MEGF6: variants seen among roughly 807,000 people sequenced by gnomAD.
MEGF6 encodes the protein multiple EGF like domains 6.
In MEGF6, 184 loss-of-function variants were observed where a neutral mutation model predicts 207.1. The ratio of observed to expected loss-of-function variants is 0.89; its 90% CI spans 0.79 to 1.00. The LOEUF (loss-of-function observed/expected upper bound fraction) is 1.00, where lower values mean the gene tolerates loss of function less well. Ranked by LOEUF, MEGF6 falls within the 50% of genes least tolerant of loss-of-function variation. MEGF6 has a pLI of 0.00. For synonymous variants in MEGF6, 1,038 were observed against 910.0 expected (o/e 1.14, Z -2.53); for missense variants, 2,282 against 2,202.9 (o/e 1.04, Z -0.72).
intron 5 of MEGF6, among the ~76,000 whole-genome samples, chr1:3,516,139 C>T (rs1474475184): frequency 6.6e-6 from 1 of 152,234 alleles, no homozygotes; most frequent in Non-Finnish European, 1.5e-5. Flanking sequence ...TGCCCCCATT[C>T]CTTCATGCAC....
At chr1:3,524,368 A>C in intron 4 of MEGF6, 122 bp from the exon 5 acceptor site, 1 of 1,277,700 alleles carries the variant, frequency 7.8e-7, no homozygotes. Context: ...GGCACCACCC[A>C]TGAGCCCCTC....
At chr1:3,501,398 C>G in intron 18 of MEGF6, 90 bp from the exon 19 acceptor site, 2 of 1,471,708 alleles carry the variant, frequency 1.4e-6, no homozygotes, top group Non-Finnish European at 9.1e-7. Context: ...GGAGCCACGG[C>G]CGAGGAGGTG....
chr1:3,555,425 T>C (rs1485219459), intron 4 of MEGF6, among the ~76,000 whole-genome samples: 1 of 152,176 alleles, frequency 6.6e-6, no homozygotes, highest in Non-Finnish European at 1.5e-5. Context: ...ACCACCCATG[T>C]CCAGACGAGA....
Position 3,494,386 on chromosome 1 carries a change from G to A in MEGF6, c.4114C>T (p.Gln1372Ter). 6.5e-7 allele frequency: 1 copy of A among 1,547,106 alleles called. No homozygotes were observed. The highest frequency in any genetic ancestry group is 8.7e-7 in the Non-Finnish European group (1 of 1,150,402). ...TCRCGPGFYG[Q>*]ACEHPCPPGF... is the part of the protein sequence containing the mutation. The stretch of plus-strand genomic sequence containing the variant: ...CCCAACTCACGGTGCTCGCAGGCCT[G>A]GCCATAGAAGCCGGGGCCGCAGCGG... The change falls in exon 32 of 37, where the codon CAG becomes TAG. Residue 1372 changes from glutamine to a stop codon, truncating the protein, a stop_gained. Transcript: ENST00000356575. LOFTEE classifies it high-confidence loss of function.
chr1:3,514,543 G>T lies in MEGF6; in HGVS notation c.853+7C>A. 1.9e-6 allele frequency: 3 copies of T among 1,588,634 alleles called. No homozygotes were observed. Among genetic ancestry groups the T allele is most frequent in the Non-Finnish European group, 1.7e-6 (2 of 1,171,208 alleles). On this transcript the variant is annotated splice_region_variant and intron_variant, in intron 7 of 36. Transcript: ENST00000356575. ...GGGCGGGGCGGAGCAGGGGAGGGGC[G>T]TCCTACCTTCACAGGCCTTGCCGTC...
rs551273948 is a variant in MEGF6, at chr1:3,596,284, G to C, written c.267-837C>G. Among the ~76,000 whole-genome samples the C allele has an allele frequency of 1.7e-3, 259 of 152,124 alleles. 2 individuals carry two copies. Among genetic ancestry groups the C allele is most frequent in the Non-Finnish European group, 3.3e-3 (223 of 67,958 alleles). On this transcript the variant is annotated intron_variant, in intron 2 of 36. Transcript: ENST00000356575. ...CCAGGAGACGGCAGTGTCCTGCTGG[G>C]AATGGGCAGCCCGATCTGGCCAGCC...
chr1:3,531,634 TC>T (rs900241298), intron 4 of MEGF6, among the ~76,000 whole-genome samples: 2 of 151,116 alleles, frequency 1.3e-5, no homozygotes, highest in Non-Finnish European at 2.9e-5. Flanking sequence ...AACGCAGACA[TC>T]CACATGTGAC....
chr1:3,520,305 G>A (rs562730858), intron 5 of MEGF6, among the ~76,000 whole-genome samples: 1 of 152,334 alleles, frequency 6.6e-6, no homozygotes, highest in South Asian at 2.1e-4. Flanking sequence ...ACACAGAGGC[G>A]GAGGCCTCCA....
chr1:3,496,890 C>A, intron 28 of MEGF6, 98 bp downstream of exon 28: 2 of 1,505,666 alleles, frequency 1.3e-6, no homozygotes, highest in Non-Finnish European at 1.8e-6. Context: ...CCATCTTCCA[C>A]CCCCTCAGAT....
intron 17 of MEGF6, among the ~76,000 whole-genome samples, chr1:3,504,071 G>T (rs572605779): frequency 6.6e-6 from 1 of 152,112 alleles, no homozygotes; most frequent in Non-Finnish European, 1.5e-5. Context: ...GCCCATGCTG[G>T]GGGGGCTTGA....
chr1:3,594,881 C>G lies in MEGF6; in HGVS notation c.376+457G>C, dbSNP rs1271168995. On this transcript the variant is annotated intron_variant, in intron 3 of 36. Transcript: ENST00000356575. The surrounding 1 kb of genome is among the most constrained non-coding windows in gnomAD (Gnocchi z 4.2). ...AGAGGAAGGAGCGGCTCCCTTACAC[C>G]CACTGAAGCTGAGGCCCGCCACCCG... 6.6e-6 allele frequency among the ~76,000 whole-genome samples: 1 copy of G among 152,206 alleles called. No homozygotes were observed. Among genetic ancestry groups the G allele is most frequent in the Non-Finnish European group, 1.5e-5 (1 of 68,044 alleles).
intron 36 of MEGF6, among the ~76,000 whole-genome samples, 160 bp downstream of exon 36, chr1:3,490,752 C>T (rs1640321959): frequency 6.6e-6 from 1 of 152,034 alleles, no homozygotes; most frequent in Non-Finnish European, 1.5e-5. Context: ...CTTCCCAGCT[C>T]TGGCCCCAGC....
chr1:3,498,103 A>G (rs1370301915), intron 26 of MEGF6, among the ~76,000 whole-genome samples: 1 of 152,102 alleles, frequency 6.6e-6, no homozygotes, highest in Non-Finnish European at 1.5e-5. Context: ...CTGAGCCCCA[A>G]AGCATCCTCC....
intron 36 of MEGF6, 97 bp from the exon 37 acceptor site, chr1:3,490,686 C>A: frequency 7.5e-7 from 1 of 1,331,380 alleles, no homozygotes. Context: ...CCACCCCTCC[C>A]TTCAGCAGCT....
At position 3,509,967 on chromosome 1, in the gene MEGF6, ACGGCTGGAGGCGCACTCATCCACAT is replaced by A; in HGVS notation, c.1235_1259del (p.Asp412ValfsTer103). On this transcript the variant is annotated frameshift_variant and splice_region_variant, in exon 11 of 37. Transcript: ENST00000356575. LOFTEE classifies it high-confidence loss of function. ...TGGTGCAGTGGTGCTCGCAGCCGCC[ACGGCTGGAGGCGCACTCATCCACAT>A]CTGCGGGCGACCCGGGACCACTGAG... The A allele has an allele frequency of 1.3e-6, 2 of 1,585,468 alleles. No individual in the cohort carries two copies. Among genetic ancestry groups the A allele is most frequent in the Non-Finnish European group, 1.7e-6 (2 of 1,171,386 alleles).
intron 4 of MEGF6, among the ~76,000 whole-genome samples, chr1:3,577,579 C>G (rs1643676358): frequency 6.6e-6 from 1 of 152,256 alleles, no homozygotes; most frequent in Non-Finnish European, 1.5e-5. Context: ...AGGGAGCTCC[C>G]AGCCTCCAGC....
intron 4 of MEGF6, among the ~76,000 whole-genome samples, chr1:3,578,540 G>A (rs535476809): frequency 6.6e-5 from 10 of 152,208 alleles, no homozygotes; most frequent in East Asian, 3.9e-4. Context: ...GGGCCCTGGG[G>A]GGGGGGGGCC....
the MEGF6 span, among the ~76,000 whole-genome samples, chr1:3,620,946 GGA>G: frequency 1.6e-4 from 25 of 152,280 alleles, no homozygotes; most frequent in Admixed American, 1.5e-3. Context: ...CAGCTGAGGC[GGA>G]GAGAGAGAGG....
chr1:3,617,561 G>A, the MEGF6 span, among the ~76,000 whole-genome samples: 2 of 152,056 alleles, frequency 1.3e-5, no homozygotes, highest in African/African-American at 4.8e-5. Flanking sequence ...GACCTGCACA[G>A]CAAACCACCA....
Sources: gnomAD v4.1 joint callset for allele counts (sites outside exome capture counted in the v4.1 genomes callset) on GRCh38, gnomAD v4.1.1 for gene constraint, Gnocchi (gnomAD v3.1) non-coding constraint, MANE v1.5 for transcripts, NCBI Gene and HGNC (gene_info 2026-07-23, HGNC 2026-07-21) for gene names.